ZRANB3: variants seen among roughly 807,000 people sequenced by gnomAD.
ZRANB3 encodes zinc finger RANBP2-type containing 3.
In ZRANB3, 125 loss-of-function variants were observed where a neutral mutation model predicts 133.8. That is an observed-to-expected ratio of 0.93 (90% CI 0.81 to 1.08). The LOEUF is 1.08. ZRANB3 is among the 50% of genes least tolerant of loss of function. The pLI, the probability that ZRANB3 is intolerant of heterozygous loss-of-function variation, is 0.00. For synonymous variants in ZRANB3, 387 were observed against 432.7 expected, an observed-to-expected ratio of 0.89 and a Z score of 1.31; for missense variants, 1,229 against 1,275.5, an observed-to-expected ratio of 0.96 and a Z score of 0.56.
chr2:135,345,016 CACTT>C (rs1558931958), intron 6 of ZRANB3: 1 of 152,178 alleles, frequency 6.6e-6, no homozygotes, highest in African/African-American at 2.4e-5. Context: ...GTGGAAGAAA[CACTT>C]AGTTTTTACT....
intron 12 of ZRANB3, among the ~76,000 whole-genome samples, chr2:135,257,342 C>CA (rs1360453288): frequency 1.3e-5 from 2 of 152,330 alleles, no homozygotes; most frequent in East Asian, 3.9e-4. Flanking sequence ...ACCCATTCAT[C>CA]AATTTATAAC....
intron 2 of ZRANB3, among the ~76,000 whole-genome samples, chr2:135,494,102 AAAGGAGGG>A (rs1692541700): frequency 6.9e-6 from 1 of 144,204 alleles, no homozygotes; most frequent in East Asian, 2.2e-4. Flanking sequence ...ATAGAAATAG[AAAGGAGGG>A]AGGGAGGGAG....
chr2:135,314,333 T>C (rs1366329442), intron 7 of ZRANB3, among the ~76,000 whole-genome samples: 1 of 152,328 alleles, frequency 6.6e-6, no homozygotes, highest in African/African-American at 2.4e-5. Flanking sequence ...AATATAATCA[T>C]ATGTTGATTC....
chr2:135,512,335 G>T (rs951146139), intron 1 of ZRANB3, among the ~76,000 whole-genome samples: 1 of 152,192 alleles, frequency 6.6e-6, no homozygotes, highest in African/African-American at 2.4e-5. Flanking sequence ...ACTGTACTGA[G>T]GAGAATCAGA....
chr2:135,503,826 G>T (rs561851560), intron 2 of ZRANB3, among the ~76,000 whole-genome samples: 1 of 151,882 alleles, frequency 6.6e-6, no homozygotes, highest in Non-Finnish European at 1.5e-5. Context: ...AAAATTACCC[G>T]GGTGTGGTGG....
chr2:135,240,572 G>A (rs193269211), intron 12 of ZRANB3, among the ~76,000 whole-genome samples: 3 of 152,140 alleles, frequency 2.0e-5, no homozygotes, highest in East Asian at 1.9e-4. Flanking sequence ...CTGGGCATAC[G>A]ATTCTCCTTG....
Position 135,510,461 on chromosome 2 carries a change from C to T in ZRANB3, c.-7-5965G>A. ...CAGTTTATAACAAACTGGGGTCATA[C>T]TCCAAGATACCAAAGGCTGGTCAAA... On this transcript the variant is annotated intron_variant, in intron 1 of 20. Transcript: ENST00000264159. 7.9e-6 allele frequency: 4 copies of T among 505,056 alleles called. No individual in the cohort carries two copies. In the South Asian group the frequency reaches 1.0e-4, roughly 13 times the overall value. 31.3% of individuals were successfully genotyped at this position (505,056 alleles called of 1,614,324 possible).
chr2:135,409,178 G>T (rs188057827), intron 2 of ZRANB3, among the ~76,000 whole-genome samples: 323 of 152,158 alleles, frequency 2.1e-3, no homozygotes, highest in African/African-American at 5.9e-3. Flanking sequence ...AGTGAGTGGG[G>T]AGGTGTCACA....
intron 2 of ZRANB3, among the ~76,000 whole-genome samples, chr2:135,402,385 C>T (rs1687774845): frequency 6.6e-6 from 1 of 151,592 alleles, no homozygotes; most frequent in Non-Finnish European, 1.5e-5. Flanking sequence ...ACCTCCGGCT[C>T]CCAGGTTCAA....
chr2:135,326,165 G>A (rs1186568106), intron 6 of ZRANB3, among the ~76,000 whole-genome samples: 2 of 152,060 alleles, frequency 1.3e-5, no homozygotes, highest in Non-Finnish European at 2.9e-5. Flanking sequence ...AAAACAACTG[G>A]AAATTTCAAC....
chr2:135,343,710 G>A (rs2104864054), intron 6 of ZRANB3, among the ~76,000 whole-genome samples: 1 of 150,040 alleles, frequency 6.7e-6, no homozygotes, highest in East Asian at 1.9e-4. Context: ...ACATTTAGTA[G>A]ACAGAAGGGC....
intron 1 of ZRANB3, among the ~76,000 whole-genome samples, chr2:135,526,291 G>C (rs1439240888): frequency 6.6e-6 from 1 of 151,246 alleles, no homozygotes; most frequent in East Asian, 2.0e-4. Context: ...AGCCTCCCGA[G>C]TAGCTGGGAT....
At chr2:135,267,744 A>G (rs769866003) in intron 11 of ZRANB3, among the ~76,000 whole-genome samples, 5 of 152,286 alleles carry the variant, frequency 3.3e-5, no homozygotes, top group Non-Finnish European at 7.4e-5. Flanking sequence ...GCCATTTTAA[A>G]TATTTATATC....
intron 8 of ZRANB3, among the ~76,000 whole-genome samples, chr2:135,306,674 C>T (rs958936054): frequency 3.3e-5 from 5 of 151,478 alleles, no homozygotes; most frequent in Non-Finnish European, 4.4e-5. Flanking sequence ...CTGCAACATC[C>T]GATTCCTGGG....
chr2:135,316,599 AGAAATGTG>A (rs1342910844), intron 6 of ZRANB3, among the ~76,000 whole-genome samples: 11 of 152,242 alleles, frequency 7.2e-5, no homozygotes, highest in African/African-American at 2.7e-4. Context: ...TGTCAATTTG[AGAAATGTG>A]GAACTCGTTA....
At chr2:135,220,566 C>T (rs1280483093) in intron 15 of ZRANB3, among the ~76,000 whole-genome samples, 8 of 151,338 alleles carry the variant, frequency 5.3e-5, no homozygotes, top group African/African-American at 1.5e-4. Context: ...GGCATGGTGG[C>T]GTGCACCTGT....
intron 2 of ZRANB3, among the ~76,000 whole-genome samples, chr2:135,465,956 A>T (rs185925043): frequency 1.1e-3 from 169 of 152,360 alleles, no homozygotes; most frequent in Non-Finnish European, 1.1e-3. Context: ...AACAAAATAA[A>T]TTTGATGGTT....
chr2:135,365,100 A>C (rs922831263), intron 3 of ZRANB3, among the ~76,000 whole-genome samples: 1 of 151,676 alleles, frequency 6.6e-6, no homozygotes, highest in Non-Finnish European at 1.5e-5. Flanking sequence ...ATGAAAAATA[A>C]AAATACAAAT....
Position 135,198,257 on chromosome 2 carries a change from A to G in ZRANB3, c.*2085T>C, listed in dbSNP as rs1432977689. On this transcript the variant is annotated 3_prime_UTR_variant, in exon 21 of 21. Coordinates refer to ENST00000264159, the MANE Select transcript of ZRANB3 (RefSeq NM_032143.4). The stretch of plus-strand genomic sequence containing the variant: ...TGAGGAGGAAAGAACAGTCCTCAAG[A>G]TGCCCTTTCGGTCTCGGTTATTAGA... 1.3e-5 allele frequency: 2 copies of G among 152,002 alleles called. No individual in the cohort carries two copies. Among genetic ancestry groups the G allele is most frequent in the Non-Finnish European group, 2.9e-5 (2 of 68,006 alleles). The allele number at this position is 152,002 out of a possible 1,614,324, so 9.4% of individuals were successfully genotyped here.
Sources: gnomAD v4.1 joint callset for allele counts (sites outside exome capture counted in the v4.1 genomes callset) on GRCh38, gnomAD v4.1.1 for gene constraint, MANE v1.5 for transcripts, NCBI Gene and HGNC (gene_info 2026-07-23, HGNC 2026-07-21) for gene names.